Variants in SCMH1 observed in about 807,000 individuals in gnomAD.
SCMH1 encodes the protein Scm polycomb group protein homolog 1.
Under a neutral mutation model 70.8 loss-of-function variants are expected in SCMH1, and 37 were observed. The observed-to-expected ratio is 0.52, with a 90% confidence interval of 0.40 to 0.69. SCMH1 has a LOEUF of 0.69. Ranked by LOEUF, SCMH1 falls within the 30% of genes least tolerant of loss-of-function variation. The pLI, the probability that SCMH1 is intolerant of heterozygous loss-of-function variation, is 0.00. For missense variants in SCMH1, 607 were observed against 827.3 expected (o/e 0.73, Z 3.27); for synonymous variants, 292 against 307.4 (o/e 0.95, Z 0.52).
rs181991172 is a variant in SCMH1, at chr1:41,239,889, C to T, written c.-118+2170G>A. On this transcript the variant is annotated intron_variant, in intron 1 of 14. Transcript: ENST00000337495. ...GGCCTCAAAGAGTTGCCTGCCTCAG[C>T]TTCCCAAAGTGCTGGGATTATAGGC... Among the ~76,000 whole-genome samples the T allele has an allele frequency of 3.9e-5, 6 of 152,308 alleles. No homozygotes were observed. The East Asian group carries it at 1.2e-3, about 29-fold the overall frequency.
At chr1:41,106,481 C>G (rs527301642) in intron 8 of SCMH1, among the ~76,000 whole-genome samples, 20 of 151,852 alleles carry the variant, frequency 1.3e-4, no homozygotes, top group African/African-American at 4.6e-4. Flanking sequence ...AACTCTAAGC[C>G]AATTAAACCT....
chr1:41,052,572 C>T (rs1250867985), intron 10 of SCMH1, among the ~76,000 whole-genome samples: 1 of 152,198 alleles, frequency 6.6e-6, no homozygotes, highest in Non-Finnish European at 1.5e-5. Context: ...TGATGCATTT[C>T]TCTGATCATA....
chr1:41,178,167 C>A (rs113734175), intron 2 of SCMH1, among the ~76,000 whole-genome samples: 12 of 152,194 alleles, frequency 7.9e-5, no homozygotes, highest in Admixed American at 2.0e-4. Flanking sequence ...GAAATAAAAT[C>A]CTTTACAGAC....
intron 1 of SCMH1, among the ~76,000 whole-genome samples, chr1:41,213,069 C>T (rs962584022): frequency 6.6e-6 from 1 of 151,814 alleles, no homozygotes; most frequent in South Asian, 2.1e-4. Context: ...CAGATAGATC[C>T]AAATAATAAA....
intron 5 of SCMH1, among the ~76,000 whole-genome samples, chr1:41,150,818 T>C (rs1325411471): frequency 1.3e-5 from 2 of 150,032 alleles, no homozygotes; most frequent in African/African-American, 4.9e-5. Flanking sequence ...GTGCCTGTAG[T>C]CCCAGCTACT....
At chr1:41,097,343 G>T (rs1200036443) in intron 8 of SCMH1, among the ~76,000 whole-genome samples, 1 of 152,102 alleles carries the variant, frequency 6.6e-6, no homozygotes, top group Non-Finnish European at 1.5e-5. Flanking sequence ...CAAGTCCACG[G>T]TTTCCCTAGC....
chr1:41,034,337 T>TTTTC (rs1644989255), intron 13 of SCMH1, among the ~76,000 whole-genome samples: 13 of 151,672 alleles, frequency 8.6e-5, no homozygotes, highest in Admixed American at 5.3e-4. Context: ...CTTTTCTTTT[T>TTTTC]TTTTTTTTGA....
At chr1:41,182,589 T>G (rs1314634753) in intron 2 of SCMH1, among the ~76,000 whole-genome samples, 1 of 152,042 alleles carries the variant, frequency 6.6e-6, no homozygotes, top group African/African-American at 2.4e-5. Context: ...GTGGAACCTG[T>G]GATTTCAGCT....
chr1:41,155,435 CAAT>C (rs1161661112), intron 4 of SCMH1, among the ~76,000 whole-genome samples: 1 of 151,790 alleles, frequency 6.6e-6, no homozygotes, highest in East Asian at 1.9e-4. Context: ...AACAAACAAA[CAAT>C]GTTTTGCTCC....
chr1:41,051,717 A>G (rs1226402244), intron 10 of SCMH1, among the ~76,000 whole-genome samples: 2 of 152,230 alleles, frequency 1.3e-5, no homozygotes, highest in Non-Finnish European at 2.9e-5. Context: ...ATATTTTTGT[A>G]CAGCTATAAA....
At chr1:41,242,245 C>T (rs1245431254), upstream of SCMH1, 1 of 144,140 alleles carries the variant, frequency 6.9e-6, no homozygotes, top group Non-Finnish European at 1.5e-5. The surrounding 1 kb of genome is among the most constrained non-coding windows in gnomAD (Gnocchi z 5.2). Flanking sequence ...GGGGGCTCCC[C>T]CGGCCCCTCC....
intron 6 of SCMH1, among the ~76,000 whole-genome samples, chr1:41,133,892 G>A (rs1029473869): frequency 2.6e-5 from 4 of 152,072 alleles, no homozygotes; most frequent in African/African-American, 7.2e-5. Flanking sequence ...GAAAGGATTC[G>A]AAGCAAAAGA....
At chr1:41,116,670 C>T (rs1287459000) in intron 7 of SCMH1, among the ~76,000 whole-genome samples, 3 of 152,150 alleles carry the variant, frequency 2.0e-5, no homozygotes, top group Admixed American at 6.5e-5. Context: ...ACTAATAATA[C>T]ATTTTAACTT....
intron 10 of SCMH1, among the ~76,000 whole-genome samples, chr1:41,063,291 G>C (rs541998305): frequency 1.1e-4 from 16 of 152,094 alleles, no homozygotes; most frequent in African/African-American, 3.6e-4. Flanking sequence ...GGCCAACACA[G>C]TGAAACCGCA....
At chr1:41,034,082 A>AG in intron 13 of SCMH1, 34 bp from the exon 14 acceptor site, 1 of 1,583,226 alleles carries the variant, frequency 6.3e-7, no homozygotes, top group Non-Finnish European at 8.6e-7. Flanking sequence ...CACCATCTCC[A>AG]GTTTGCACAT....
intron 1 of SCMH1, among the ~76,000 whole-genome samples, chr1:41,230,265 G>T (rs1661053092): frequency 6.6e-6 from 1 of 152,106 alleles, no homozygotes; most frequent in Admixed American, 6.5e-5. Context: ...TGGTGGCTTA[G>T]ACTAGAATGA....
At chr1:41,179,892 T>C (rs939728301) in intron 2 of SCMH1, among the ~76,000 whole-genome samples, 16 of 152,016 alleles carry the variant, frequency 1.1e-4, no homozygotes, top group Non-Finnish European at 1.8e-4. Context: ...GATACCAAAG[T>C]CTGGCAGAGA....
chr1:41,048,632 C>T, intron 11 of SCMH1, 58 bp downstream of exon 11: 1 of 1,491,208 alleles, frequency 6.7e-7, no homozygotes, highest in South Asian at 1.2e-5. Flanking sequence ...AAGAAATCAA[C>T]CAGTTGAGAA....
intron 13 of SCMH1, among the ~76,000 whole-genome samples, chr1:41,035,324 C>T (rs893432051): frequency 6.6e-6 from 1 of 152,172 alleles, no homozygotes; most frequent in Non-Finnish European, 1.5e-5. Context: ...AGCAAAAAAG[C>T]CCTTAATTCT....
Sources: gnomAD v4.1 joint callset for allele counts (sites outside exome capture counted in the v4.1 genomes callset) on GRCh38, gnomAD v4.1.1 for gene constraint, Gnocchi (gnomAD v3.1) non-coding constraint, MANE v1.5 for transcripts, NCBI Gene and HGNC (gene_info 2026-07-23, HGNC 2026-07-21) for gene names.